Variants in ATP13A1 observed in about 807,000 individuals in gnomAD.
The protein encoded by ATP13A1 is endoplasmic reticulum transmembrane helix translocase.
A neutral mutation model predicts 134.8 loss-of-function variants in ATP13A1; 55 were observed. The ratio of observed to expected loss-of-function variants is 0.41; its 90% CI spans 0.33 to 0.51. The LOEUF is 0.51. ATP13A1 is among the 20% of genes least tolerant of loss of function. ATP13A1 has a pLI of 0.29. For synonymous variants in ATP13A1, 775 were observed against 725.1 expected, an observed-to-expected ratio of 1.07 and a Z score of -1.10; for missense variants, 1,389 against 1,652.8, an observed-to-expected ratio of 0.84 and a Z score of 2.77.
intron 13 of ATP13A1, 95 bp downstream of exon 13, chr19:19,654,448 T>G (rs1164708451): frequency 1.1e-5 from 15 of 1,419,980 alleles, no homozygotes; most frequent in Non-Finnish European, 1.3e-5. Flanking sequence ...TAGGCCTGCC[T>G]GTCCCCAAGA....
At chr19:19,646,508 T>G (rs2061987026) in intron 22 of ATP13A1, 161 bp from the exon 23 acceptor site, 3 of 860,706 alleles carry the variant, frequency 3.5e-6, no homozygotes, top group Non-Finnish European at 5.3e-6. Context: ...CCTGGATCCC[T>G]GCCTGCCTCT....
intron 1 of ATP13A1, chr19:19,661,939 CT>C: frequency 1.6e-6 from 2 of 1,223,358 alleles, no homozygotes. Flanking sequence ...GGCGGGCACT[CT>C]GCAGATATCA....
chr19:19,662,931 T>C, intron 1 of ATP13A1: 2 of 423,202 alleles, frequency 4.7e-6, no homozygotes, highest in South Asian at 2.2e-5. Context: ...AGAACAAGAG[T>C]AGTCGCTAAT....
In ATP13A1 at chr19:19,645,461, C is replaced by T. The variant is rs141473818; in HGVS notation, c.3576G>A (p.Gln1192=). 1.0e-3 allele frequency: 1,680 copies of T among 1,607,418 alleles called. No homozygotes were observed. Among genetic ancestry groups the T allele is most frequent in the Admixed American group, 3.0e-3 (178 of 58,978 alleles). Residue 1192 remains glutamine (Q), a synonymous_variant, in exon 26 of 26, where the codon CAG becomes CAA. Coordinates refer to ENST00000357324, the MANE Select transcript of ATP13A1 (RefSeq NM_020410.3). The surrounding 1 kb of genome is among the most constrained non-coding windows in gnomAD (Gnocchi z 4.1). The part of the protein sequence containing the change: ...CLALLADRVL[Q]FFLGTPKLKV... ...TCAGCTTCGGGGTCCCCAGGAAGAA[C>T]TGCAGGACGCGGTCGGCCAGGAGCG...
rs756685760 is a variant in ATP13A1, at chr19:19,649,922, C to T, written c.2354G>A (p.Arg785His). Reference protein sequence around the residue: ...PSEKGRQCEWRSIDGSIVLPL... With the variant: ...PSEKGRQCEWHSIDGSIVLPL... ...CAGCACGATGCTGCCGTCAATGGAGCGCCACTCGCACTGCCGGCCTGCGGG... is the reference window on the plus strand; with the variant it reads ...CAGCACGATGCTGCCGTCAATGGAGTGCCACTCGCACTGCCGGCCTGCGGG... The change falls in exon 18 of 26, where the codon CGC becomes CAC. Residue 785 changes from arginine (R) to histidine (H), a missense_variant. Arg to His is a conservative substitution (Grantham distance 29, BLOSUM62 0). Around this residue, in one of 4 missense-constraint regions of ATP13A1, gnomAD observed 747 missense variants for 956.1 expected, o/e 0.78. Transcript: ENST00000357324. 16 of 1,595,522 alleles carry T rather than the reference C, an allele frequency of 1.0e-5. No individual in the cohort carries two copies. The highest frequency in any genetic ancestry group is 6.7e-5 in the East Asian group (3 of 44,718).
Position 19,653,710 on chromosome 19 carries a change from G to GAC in ATP13A1, c.2100+72_2100+73dup. On this transcript the variant is annotated intron_variant, in intron 15 of 25. Coordinates refer to ENST00000357324, the MANE Select transcript of ATP13A1 (RefSeq NM_020410.3). The surrounding 1 kb of genome is among the most constrained non-coding windows in gnomAD (Gnocchi z 4.2). ...ACAACCATTCAACCTGGCACTGTGG[G>GAC]ACACAGGAGGTGACTCAGGGAGGAG... 7.5e-7 allele frequency: 1 copy of GAC among 1,324,782 alleles called. No individual in the cohort carries two copies. The highest frequency in any genetic ancestry group is 1.0e-6 in the Non-Finnish European group (1 of 957,906). The allele number at this position is 1,324,782 out of a possible 1,614,324, so 82.1% of individuals were successfully genotyped here. A position where few individuals can be genotyped will look rare whatever the true frequency, so the allele number is the denominator to read the frequency against.
At position 19,645,612 on chromosome 19, in the gene ATP13A1, C is replaced by G; in HGVS notation, c.3504+35G>C. On this transcript the variant is annotated intron_variant, in intron 25 of 25. Transcript: ENST00000357324. This position sits in a 1 kb window ranked among gnomAD's most constrained non-coding sequence, Gnocchi z 4.1. The stretch of plus-strand genomic sequence containing the variant: ...ACTGCCATAGGAGGGACCCATCAAG[C>G]TGAGCCCCAGGGTCACCTCCACAGG... 6.4e-7 allele frequency: 1 copy of G among 1,561,066 alleles called. No individual in the cohort carries two copies. Among genetic ancestry groups the G allele is most frequent in the East Asian group, 2.4e-5 (1 of 41,616 alleles).
At chr19:19,661,040 C>G (rs968337933) in intron 1 of ATP13A1, among the ~76,000 whole-genome samples, 2 of 152,072 alleles carry the variant, frequency 1.3e-5, no homozygotes, top group Non-Finnish European at 2.9e-5. Context: ...GATTGTGCCA[C>G]TGCACTCCAG....
At chr19:19,660,207 C>T (rs2062085670) in intron 1 of ATP13A1, among the ~76,000 whole-genome samples, 1 of 152,218 alleles carries the variant, frequency 6.6e-6, no homozygotes, top group African/African-American at 2.4e-5. Flanking sequence ...CAAGGCTGGG[C>T]ACGGTGACTC....
rs2061991084 is a variant in ATP13A1, at chr19:19,647,065, C to T, written c.3105+64G>A. On this transcript the variant is annotated intron_variant, in intron 22 of 25. Transcript: ENST00000357324. This position sits in a 1 kb window ranked among gnomAD's most constrained non-coding sequence, Gnocchi z 4.8. ...TAACTTGGGGATGACAATTCCCGTG[C>T]CTATATCAGCCTGGCCCTGGCAGGC... 2.0e-6 allele frequency: 3 copies of T among 1,506,850 alleles called. No individual in the cohort carries two copies. In the South Asian group the frequency reaches 3.8e-5, roughly 19 times the overall value. The allele number at this position is 1,506,850 out of a possible 1,614,324, so 93.3% of individuals were successfully genotyped here. A position where few individuals can be genotyped will look rare whatever the true frequency, so the allele number is the denominator to read the frequency against.
Position 19,656,903 on chromosome 19 carries a change from C to G in ATP13A1, c.920G>C (p.Arg307Pro). 1 of 1,611,494 alleles carries G rather than the reference C, an allele frequency of 6.2e-7. No individual in the cohort carries two copies. The highest frequency in any genetic ancestry group is 8.5e-7 in the Non-Finnish European group (1 of 1,179,024). The change falls in exon 6 of 26, where the codon CGC (arginine) becomes CCC (proline). Residue 307 changes from arginine to proline, a missense_variant. Physicochemically the swap from Arg to Pro is moderately radical, Grantham distance 103 (BLOSUM62 -2). This residue lies in a region of ATP13A1 where 747 missense variants were observed against 956.1 expected (regional missense o/e 0.78). Coordinates refer to ENST00000357324, the MANE Select transcript of ATP13A1 (RefSeq NM_020410.3). This position sits in a 1 kb window ranked among gnomAD's most constrained non-coding sequence, Gnocchi z 4.6. ...KPHMIQVYRSRKWRPIASDEI... is the reference protein window; with the variant it reads ...KPHMIQVYRSPKWRPIASDEI... ...ATCACTGGCAATGGGCCTCCACTTGCGGCTTCGGTAGACCTGGGCGGGGCA... is the reference window on the plus strand; with the variant it reads ...ATCACTGGCAATGGGCCTCCACTTGGGGCTTCGGTAGACCTGGGCGGGGCA...
chr19:19,658,090 A>G (rs2062070905), intron 3 of ATP13A1, among the ~76,000 whole-genome samples: 1 of 146,808 alleles, frequency 6.8e-6, no homozygotes, highest in Admixed American at 7.0e-5. Context: ...TCAAGGCTAC[A>G]GTGAGCCATG....
chr19:19,662,084 C>A (rs1161470363), intron 1 of ATP13A1: 1 of 1,576,696 alleles, frequency 6.3e-7, no homozygotes, highest in Non-Finnish European at 8.6e-7. Flanking sequence ...CCTCTCCTGG[C>A]TGATGGCTGT....
In ATP13A1 at chr19:19,647,756, A is replaced by T; in HGVS notation, c.2636T>A (p.Val879Glu). The change falls in exon 20 of 26, where the codon GTG (valine) becomes GAG (glutamate). Residue 879 changes from valine to glutamate, a missense_variant. Coordinates refer to ENST00000357324, the MANE Select transcript of ATP13A1 (RefSeq NM_020410.3). This position sits in a 1 kb window ranked among gnomAD's most constrained non-coding sequence, Gnocchi z 4.8. Reference sequence around the variant, plus strand: ...CTCAGGGGCATTGGCCAAGAGCGCCACACCTGGGGGGCAGGAGGGTGTCAG... The same window carrying T: ...CTCAGGGGCATTGGCCAAGAGCGCCTCACCTGGGGGGCAGGAGGGTGTCAG... Reference protein sequence around the residue: ...VGALKHADVGVALLANAPERV... With the variant: ...VGALKHADVGEALLANAPERV... 6.3e-7 allele frequency: 1 copy of T among 1,594,756 alleles called. No individual in the cohort carries two copies.
In ATP13A1 at chr19:19,653,685, A is replaced by C; in HGVS notation, c.2100+99T>G. Reference sequence around the variant, plus strand: ...GAGGCGGGGCAAGGAGGACAAAATCACAACCATTCAACCTGGCACTGTGGG... The same window carrying C: ...GAGGCGGGGCAAGGAGGACAAAATCCCAACCATTCAACCTGGCACTGTGGG... On this transcript the variant is annotated intron_variant, in intron 15 of 25. Transcript: ENST00000357324. This position sits in a 1 kb window ranked among gnomAD's most constrained non-coding sequence, Gnocchi z 4.2. 8.8e-7 allele frequency: 1 copy of C among 1,139,766 alleles called. No individual in the cohort carries two copies. The highest frequency in any genetic ancestry group is 1.2e-6 in the Non-Finnish European group (1 of 809,638). The allele number at this position is 1,139,766 out of a possible 1,614,324, so 70.6% of individuals were successfully genotyped here.
chr19:19,661,519 C>T (rs1010021025), intron 1 of ATP13A1, among the ~76,000 whole-genome samples: 5 of 152,184 alleles, frequency 3.3e-5, no homozygotes, highest in African/African-American at 7.2e-5. Flanking sequence ...CTAAAGTTCC[C>T]GGCAATGTCC....
intron 1 of ATP13A1, chr19:19,662,414 T>C: frequency 3.1e-6 from 3 of 960,862 alleles, no homozygotes; most frequent in Non-Finnish European, 2.5e-6. Flanking sequence ...CCTTTTCCTC[T>C]TCTTGAGGCA....
Position 19,645,526 on chromosome 19 carries a change from G to T in ATP13A1, c.3511C>A (p.Leu1171Met). 1 of 1,600,576 alleles carries T rather than the reference G, an allele frequency of 6.2e-7. No homozygotes were observed. Residue 1171 changes from leucine (L) to methionine (M), a missense_variant, in exon 26 of 26, where the codon CTG (leucine) becomes ATG (methionine). Coordinates refer to ENST00000357324, the MANE Select transcript of ATP13A1 (RefSeq NM_020410.3). This position sits in a 1 kb window ranked among gnomAD's most constrained non-coding sequence, Gnocchi z 4.1. ...GLVDIPVEFK[L>M]VIAQVLLLDF... ...AGGAGCAGGACCTGGGCAATGACCA[G>T]CTTGAACTGTCGGGGCAGGGAGGGA... is the stretch of plus-strand genomic sequence containing the variant.
At position 19,647,016 on chromosome 19, in the gene ATP13A1, C is replaced by A; in HGVS notation, c.3105+113G>T. The A allele has an allele frequency of 8.4e-7, 1 of 1,196,566 alleles. No homozygotes were observed. Among genetic ancestry groups the A allele is most frequent in the Non-Finnish European group, 1.2e-6 (1 of 866,744 alleles). 74.1% of individuals were successfully genotyped at this position (1,196,566 alleles called of 1,614,324 possible). ...TCCTGAGCCATCCCAGCTACAGCCC[C>A]CATCTCTGGGGCCCTGGGTCCTGTA... is the stretch of plus-strand genomic sequence containing the variant. On this transcript the variant is annotated intron_variant, in intron 22 of 25. Transcript: ENST00000357324. The surrounding 1 kb of genome is among the most constrained non-coding windows in gnomAD (Gnocchi z 4.8).
Sources: gnomAD v4.1 joint callset for allele counts (sites outside exome capture counted in the v4.1 genomes callset) on GRCh38, gnomAD v4.1.1 for gene constraint, gnomAD v4.1.1 regional missense constraint, Gnocchi (gnomAD v3.1) non-coding constraint, MANE v1.5 for transcripts, NCBI Gene and HGNC (gene_info 2026-07-23, HGNC 2026-07-21) for gene names.